SNTG1: variants seen among roughly 807,000 people sequenced by gnomAD.
The protein encoded by SNTG1 is syntrophin gamma 1.
In SNTG1, 39 loss-of-function variants were observed where a neutral mutation model predicts 74.7. That is an observed-to-expected ratio of 0.52 (90% CI 0.40 to 0.68). The LOEUF (loss-of-function observed/expected upper bound fraction) is 0.68. SNTG1 is among the 30% of genes least tolerant of loss of function. The probability of loss-of-function intolerance (pLI) is 0.00; values close to 1 mark genes in which losing one functional copy is unlikely to be tolerated. For missense variants in SNTG1, 685 were observed against 609.5 expected (o/e 1.12, Z -1.30); for synonymous variants, 254 against 217.1 (o/e 1.17, Z -1.49).
chr8:50,451,573 T>C (rs1053087260), intron 8 of SNTG1, among the ~76,000 whole-genome samples: 3 of 152,018 alleles, frequency 2.0e-5, no homozygotes, highest in African/African-American at 7.3e-5. Context: ...AGTCATCCAG[T>C]TTTTCGGCAG....
rs950140566 is a variant in SNTG1 at position 50,038,621 on chromosome 8, GA to G, written c.-103+126398del. 2.0e-5 allele frequency among the ~76,000 whole-genome samples: 3 copies of G among 151,844 alleles called. No individual in the cohort carries two copies. In the South Asian group the frequency reaches 6.2e-4, roughly 32 times the overall value. On this transcript the variant is annotated intron_variant, in intron 1 of 18. Transcript: ENST00000642720. Reference sequence around the variant, plus strand: ...TCCCCATTTGATGTGAAGGGTAAAAGAAAAAAAATTCATCACTCTGATTTCA... The same window carrying G: ...TCCCCATTTGATGTGAAGGGTAAAAGAAAAAAATTCATCACTCTGATTTCA...
chr8:50,680,657 G>A (rs1295633707), intron 15 of SNTG1, among the ~76,000 whole-genome samples: 1 of 152,068 alleles, frequency 6.6e-6, no homozygotes, highest in East Asian at 1.9e-4. Flanking sequence ...CCCTTCGGAG[G>A]CAGTCTATCT....
chr8:50,073,830 A>AT (rs1821587738), intron 1 of SNTG1, among the ~76,000 whole-genome samples: 1 of 151,154 alleles, frequency 6.6e-6, no homozygotes, highest in South Asian at 2.1e-4. Context: ...TTTAATTTTA[A>AT]TTTTTTTCTG....
intron 1 of SNTG1, among the ~76,000 whole-genome samples, chr8:50,165,852 A>G (rs2082596004): frequency 6.6e-6 from 1 of 152,056 alleles, no homozygotes; most frequent in African/African-American, 2.4e-5. Context: ...GAGGCATCAC[A>G]CTACCTGACT....
intron 2 of SNTG1, among the ~76,000 whole-genome samples, chr8:50,342,472 C>T (rs969948637): frequency 6.6e-6 from 1 of 152,044 alleles, no homozygotes; most frequent in African/African-American, 2.4e-5. Flanking sequence ...AAAAATAGTT[C>T]TTTAAACATA....
intron 8 of SNTG1, among the ~76,000 whole-genome samples, chr8:50,478,952 A>G (rs1345724978): frequency 1.3e-5 from 2 of 152,198 alleles, no homozygotes; most frequent in Non-Finnish European, 2.9e-5. Flanking sequence ...AAAAGGTAAT[A>G]TTTATTAAGT....
At chr8:50,152,039 G>A (rs2131543580) in intron 1 of SNTG1, among the ~76,000 whole-genome samples, 1 of 152,256 alleles carries the variant, frequency 6.6e-6, no homozygotes. Flanking sequence ...TATTGTGTGG[G>A]AGTCTAAGTC....
At chr8:50,605,043 G>A (rs1195407115) in intron 13 of SNTG1, among the ~76,000 whole-genome samples, 3 of 152,164 alleles carry the variant, frequency 2.0e-5, no homozygotes, top group African/African-American at 7.2e-5. Flanking sequence ...ATGTCTAGGA[G>A]CTAGAGCCTG....
At chr8:50,539,353 T>C (rs1401711303) in intron 11 of SNTG1, among the ~76,000 whole-genome samples, 1 of 152,112 alleles carries the variant, frequency 6.6e-6, no homozygotes, top group Non-Finnish European at 1.5e-5. Context: ...CTCTTTGTTG[T>C]GAGGACTGGG....
intron 8 of SNTG1, among the ~76,000 whole-genome samples, chr8:50,495,806 C>T (rs923477244): frequency 6.6e-6 from 1 of 152,092 alleles, no homozygotes; most frequent in African/African-American, 2.4e-5. Context: ...TAGTATGCTC[C>T]CTCACCCTGC....
At position 50,449,686 on chromosome 8, in the gene SNTG1, A is replaced by G; in HGVS notation, c.238A>G (p.Ile80Val). ...TTTTCAGGGAGGAGCAGAACATAAC[A>G]TTCCAGTTGTCGTTTCAAAAATCTC... ...LSIKGGAEHN[I>V]PVVVSKISKE... Residue 80 changes from isoleucine (I) to valine (V), a missense_variant, in exon 6 of 19, where the codon ATT (isoleucine) becomes GTT (valine). Ile to Val is a conservative substitution (Grantham distance 29). Transcript: ENST00000642720. 6.3e-7 allele frequency: 1 copy of G among 1,599,756 alleles called. No individual in the cohort carries two copies. Among genetic ancestry groups the G allele is most frequent in the East Asian group, 2.2e-5 (1 of 44,480 alleles).
At chr8:50,273,439 A>G (rs893907947) in intron 2 of SNTG1, among the ~76,000 whole-genome samples, 2 of 152,228 alleles carry the variant, frequency 1.3e-5, no homozygotes, top group African/African-American at 2.4e-5. Context: ...AAATAACCAA[A>G]AGAGAAAAAT....
chr8:50,729,938 G>C (rs963397240), intron 17 of SNTG1, among the ~76,000 whole-genome samples: 1 of 152,124 alleles, frequency 6.6e-6, no homozygotes, highest in African/African-American at 2.4e-5. Flanking sequence ...GCAGCAGCAG[G>C]TACCCCGAGC....
chr8:50,585,736 A>T (rs1378136691), intron 12 of SNTG1, among the ~76,000 whole-genome samples: 1 of 152,124 alleles, frequency 6.6e-6, no homozygotes, highest in African/African-American at 2.4e-5. Flanking sequence ...TATATTAATC[A>T]TATGAATAAT....
intron 9 of SNTG1, among the ~76,000 whole-genome samples, chr8:50,503,208 C>T (rs190163766): frequency 5.3e-5 from 8 of 152,098 alleles, no homozygotes; most frequent in African/African-American, 1.9e-4. Context: ...TTTTCTCTAA[C>T]TAAAAATTAA....
At chr8:50,537,872 T>C (rs1213071552) in intron 11 of SNTG1, among the ~76,000 whole-genome samples, 1 of 152,188 alleles carries the variant, frequency 6.6e-6, no homozygotes, top group Non-Finnish European at 1.5e-5. Flanking sequence ...TAAAACTTTT[T>C]CACAAAAACA....
intron 1 of SNTG1, among the ~76,000 whole-genome samples, chr8:50,132,570 C>G (rs950190872): frequency 7.2e-5 from 11 of 152,138 alleles, no homozygotes; most frequent in African/African-American, 2.7e-4. Context: ...AGGGAAAATT[C>G]TATTAGGTTT....
intron 8 of SNTG1, among the ~76,000 whole-genome samples, chr8:50,469,627 C>T (rs527791074): frequency 6.6e-6 from 1 of 152,152 alleles, no homozygotes; most frequent in Non-Finnish European, 1.5e-5. Context: ...TCTTTTCCTG[C>T]ATTTTTCTCC....
intron 18 of SNTG1, among the ~76,000 whole-genome samples, chr8:50,760,675 A>T (rs1256492558): frequency 6.6e-6 from 1 of 152,000 alleles, no homozygotes; most frequent in African/African-American, 2.4e-5. Flanking sequence ...GACACAAAAA[A>T]AATGATAAAA....
Sources: allele counts gnomAD v4.1 joint callset (sites outside exome capture counted in the v4.1 genomes callset), GRCh38; gene constraint gnomAD v4.1.1; transcripts MANE v1.5; gene names NCBI Gene and HGNC (gene_info 2026-07-23, HGNC 2026-07-21).